ANKH: variants seen among roughly 807,000 people sequenced by gnomAD.
ANKH encodes the protein mineralization regulator ANKH.
In ANKH, 15 loss-of-function variants were observed where a neutral mutation model predicts 49.0. That is an observed-to-expected ratio of 0.31 (90% CI 0.20 to 0.47). The LOEUF (loss-of-function observed/expected upper bound fraction) is 0.47. ANKH is among the 20% of genes least tolerant of loss of function. ANKH has a pLI of 1.00. For missense variants in ANKH, 429 were observed against 652.0 expected, an observed-to-expected ratio of 0.66 and a Z score of 3.72; for synonymous variants, 273 against 260.0, an observed-to-expected ratio of 1.05 and a Z score of -0.48.
intron 1 of ANKH, among the ~76,000 whole-genome samples, chr5:14,814,389 C>G (rs1235696833): frequency 6.6e-6 from 1 of 152,138 alleles, no homozygotes; most frequent in East Asian, 1.9e-4. Flanking sequence ...CTGTTTGAGC[C>G]CAGGAGCTTG....
chr5:14,796,798 T>C (rs547620156), intron 1 of ANKH, among the ~76,000 whole-genome samples: 1 of 152,300 alleles, frequency 6.6e-6, no homozygotes, highest in South Asian at 2.1e-4. Flanking sequence ...CACTCTAGCC[T>C]TTACTTAAAT....
rs184565579 is a variant in ANKH, at chr5:14,746,061, T to C, written c.823-99A>G. Reference sequence around the variant, plus strand: ...AGCACGCCGACTCAGGTGCAGCCACTGAGGACAGAGCCCGCTACACTGGGT... The same window carrying C: ...AGCACGCCGACTCAGGTGCAGCCACCGAGGACAGAGCCCGCTACACTGGGT... On this transcript the variant is annotated intron_variant, in intron 6 of 11. Coordinates refer to ENST00000284268, the MANE Select transcript of ANKH (RefSeq NM_054027.6). 55 of 917,494 alleles carry C rather than the reference T, an allele frequency of 6.0e-5. No homozygotes were observed. In the East Asian group the frequency reaches 1.3e-3, roughly 22 times the overall value. 56.8% of individuals were successfully genotyped at this position (917,494 alleles called of 1,614,324 possible).
intron 1 of ANKH, among the ~76,000 whole-genome samples, chr5:14,861,290 C>T (rs147507838): frequency 3.9e-5 from 6 of 152,282 alleles, no homozygotes; most frequent in African/African-American, 1.4e-4. Flanking sequence ...TCCTCAGAAG[C>T]TGATAACCAC....
rs1313636364 is a variant in ANKH, at chr5:14,755,933, A to G, written c.444T>C (p.His148=). The G allele has an allele frequency of 6.2e-7, 1 of 1,614,040 alleles. No individual in the cohort carries two copies. Among genetic ancestry groups the G allele is most frequent in the Non-Finnish European group, 8.5e-7 (1 of 1,179,890 alleles). Residue 148 remains histidine, a synonymous_variant, in exon 4 of 12, where the codon CAT becomes CAC. Coordinates refer to ENST00000284268, the MANE Select transcript of ANKH (RefSeq NM_054027.6). The part of the protein sequence containing the change: ...FPFMDAMAWT[H]AGILLKHKYS... The stretch of plus-strand genomic sequence containing the variant: ...ATTTGTGTTTTAAGAGAATGCCAGC[A>G]TGGGTCCATGCCTGCCAGAAAGAAA...
intron 1 of ANKH, among the ~76,000 whole-genome samples, chr5:14,812,244 T>A (rs1740906303): frequency 6.8e-6 from 1 of 147,284 alleles, no homozygotes; most frequent in South Asian, 2.1e-4. Context: ...AAACTTATTA[T>A]TTTTTTTTTT....
At chr5:14,758,959 GGTA>G (rs956018893) in intron 2 of ANKH, among the ~76,000 whole-genome samples, 2 of 152,142 alleles carry the variant, frequency 1.3e-5, no homozygotes, top group African/African-American at 4.8e-5. Context: ...GAGTTTGCTT[GGTA>G]TCAGCTTGCC....
intron 2 of ANKH, chr5:14,768,619 T>C: frequency 3.2e-6 from 1 of 315,808 alleles, no homozygotes; most frequent in South Asian, 3.7e-5. Context: ...TAAGTCATTC[T>C]ATTTTTATTC....
intron 1 of ANKH, among the ~76,000 whole-genome samples, chr5:14,791,061 T>C (rs1740149237): frequency 2.0e-5 from 3 of 152,310 alleles, no homozygotes; most frequent in East Asian, 3.9e-4. Context: ...CTGAGACTCA[T>C]AGGGAAAAAC....
At chr5:14,765,207 G>A (rs985809212) in intron 2 of ANKH, among the ~76,000 whole-genome samples, 31 of 152,334 alleles carry the variant, frequency 2.0e-4, no homozygotes, top group Admixed American at 7.8e-4. Context: ...GACAGAAGTC[G>A]TGGCTATGGT....
intron 1 of ANKH, among the ~76,000 whole-genome samples, chr5:14,822,876 T>C (rs963912294): frequency 4.0e-5 from 6 of 151,822 alleles, no homozygotes; most frequent in Non-Finnish European, 5.9e-5. Context: ...CTACTAAAAA[T>C]AGAAAAAATT....
rs1356927674 is a variant in ANKH, at chr5:14,770,556, A to G, written c.97-1365T>C. Reference sequence around the variant, plus strand: ...ATATATTATAATAAAAGTTTTATCAATGTGGTCTTTCTCTCAAAATATCTT... The same window carrying G: ...ATATATTATAATAAAAGTTTTATCAGTGTGGTCTTTCTCTCAAAATATCTT... On this transcript the variant is annotated intron_variant, in intron 1 of 11. Coordinates refer to ENST00000284268, the MANE Select transcript of ANKH (RefSeq NM_054027.6). The surrounding 1 kb of genome is among the most constrained non-coding windows in gnomAD (Gnocchi z 4.1). Among the ~76,000 whole-genome samples the G allele has an allele frequency of 6.6e-6, 1 of 152,230 alleles. No individual in the cohort carries two copies. Among genetic ancestry groups the G allele is most frequent in the Non-Finnish European group, 1.5e-5 (1 of 68,048 alleles).
At chr5:14,765,456 G>A (rs1739229859) in intron 2 of ANKH, among the ~76,000 whole-genome samples, 1 of 152,058 alleles carries the variant, frequency 6.6e-6, no homozygotes, top group African/African-American at 2.4e-5. Flanking sequence ...ACATTCTCTG[G>A]GGCCATCTTT....
chr5:14,870,420 A>G (rs556129448), intron 1 of ANKH: 2 of 152,348 alleles, frequency 1.3e-5, no homozygotes, highest in South Asian at 4.1e-4. Flanking sequence ...ATATCCGTTT[A>G]AGTCTCTTGA....
rs553110309 is a variant in ANKH at position 14,766,054 on chromosome 5, A to G, written c.313+2921T>C. Among the ~76,000 whole-genome samples the G allele has an allele frequency of 8.5e-5, 13 of 152,304 alleles. No individual in the cohort carries two copies. The South Asian group carries it at 2.7e-3, about 32-fold the overall frequency. On this transcript the variant is annotated intron_variant, in intron 2 of 11. Transcript: ENST00000284268. ...AAATATTCATTATAGCGCACAGGGC[A>G]AATTCTTGACTCCATTTTGTATCAA...
chr5:14,711,083 C>G lies in ANKH; in HGVS notation c.*114G>C. ...GAAACCTTTAAATCAAGGCCTCTTT[C>G]ATTACCAAAACAAAACAAAAAAAAG... On this transcript the variant is annotated 3_prime_UTR_variant, in exon 12 of 12. Transcript: ENST00000284268. 1 of 947,576 alleles carries G rather than the reference C, an allele frequency of 1.1e-6. No homozygotes were observed. The highest frequency in any genetic ancestry group is 1.7e-5 in the Admixed American group (1 of 58,690). The allele number at this position is 947,576 out of a possible 1,614,324, so 58.7% of individuals were successfully genotyped here.
Position 14,734,198 on chromosome 5 carries a change from CCTGA to C in ANKH, c.1011+7625_1011+7628del, listed in dbSNP as rs1169651523. ...AACCTTTTCTGATTACCTGCTCCAC[CCTGA>C]CTCATTCCGATTTCCTGCTCTGCCG... On this transcript the variant is annotated intron_variant, in intron 8 of 11. Transcript: ENST00000284268. Among the ~76,000 whole-genome samples, 3 of 152,272 alleles carry C rather than the reference CCTGA, an allele frequency of 2.0e-5. No individual in the cohort carries two copies. In the East Asian group the frequency reaches 5.8e-4, roughly 29 times the overall value.
chr5:14,858,621 C>G (rs1390459137), intron 1 of ANKH, among the ~76,000 whole-genome samples: 1 of 151,908 alleles, frequency 6.6e-6, no homozygotes, highest in Non-Finnish European at 1.5e-5. Flanking sequence ...GAGGCTGAGG[C>G]AGGAAAATCG....
intron 1 of ANKH, among the ~76,000 whole-genome samples, chr5:14,847,005 C>CAAAAAAAAAAAAAA (rs386403087): frequency 9.1e-6 from 1 of 110,374 alleles, no homozygotes. Context: ...AAGACTGCCT[C>CAAAAAAAAAAAAAA]AAAAAAAAAA....
chr5:14,833,752 T>A (rs1166247111), intron 1 of ANKH, among the ~76,000 whole-genome samples: 5 of 152,200 alleles, frequency 3.3e-5, no homozygotes, highest in African/African-American at 1.2e-4. Context: ...TATAGTATAA[T>A]GCAAAGCAGA....
Sources: gnomAD v4.1 joint callset for allele counts (sites outside exome capture counted in the v4.1 genomes callset) on GRCh38, gnomAD v4.1.1 for gene constraint, Gnocchi (gnomAD v3.1) non-coding constraint, MANE v1.5 for transcripts, NCBI Gene and HGNC (gene_info 2026-07-23, HGNC 2026-07-21) for gene names.